The following LYZL4 variants were observed in gnomAD, a reference collection of about 807,000 sequenced individuals.
LYZL4 encodes lysozyme-like protein 4.
LYZL4 carries 13 observed loss-of-function variants against 17.6 expected under a neutral mutation model. That is an observed-to-expected ratio of 0.74 (90% CI 0.48 to 1.18). The LOEUF is 1.18. Among genes scored for constraint, LYZL4 ranks in the 50% most tolerant of loss-of-function variants. LYZL4 has a pLI of 0.00. For missense variants in LYZL4, 174 were observed against 188.2 expected (o/e 0.92, Z 0.44); for synonymous variants, 64 against 67.7 (o/e 0.95, Z 0.27).
At chr3:42,406,733 G>T in intron 3 of LYZL4, 113 bp downstream of exon 3, 1 of 1,357,112 alleles carries the variant, frequency 7.4e-7, no homozygotes. Context: ...TATGGCTCCT[G>T]CCACACCCTC....
the LYZL4 span, among the ~76,000 whole-genome samples, chr3:42,368,327 T>A: frequency 6.6e-6 from 1 of 152,206 alleles, no homozygotes; most frequent in African/African-American, 2.4e-5. Flanking sequence ...GGGTTTTTAT[T>A]TGGTGGGGCG....
chr3:42,366,787 C>T, the LYZL4 span, among the ~76,000 whole-genome samples: 4 of 152,330 alleles, frequency 2.6e-5, no homozygotes, highest in Admixed American at 2.6e-4. Flanking sequence ...CTTTAAGGCC[C>T]TGGGTATGCA....
intron 1 of LYZL4, among the ~76,000 whole-genome samples, chr3:42,407,875 C>T (rs565427530): frequency 3.5e-4 from 53 of 152,194 alleles, no homozygotes; most frequent in African/African-American, 9.9e-4. Context: ...TTTTCCCTGC[C>T]GTCCACGCAA....
chr3:42,406,238 G>T (rs1364071263), intron 3 of LYZL4, among the ~76,000 whole-genome samples: 1 of 152,090 alleles, frequency 6.6e-6, no homozygotes, highest in Non-Finnish European at 1.5e-5. Flanking sequence ...CAGATCACGA[G>T]GTCAGGAGAT....
chr3:42,388,814 C>T, the LYZL4 span, among the ~76,000 whole-genome samples: 11 of 152,248 alleles, frequency 7.2e-5, no homozygotes, highest in African/African-American at 2.2e-4. Context: ...TCCTTCAAAA[C>T]GGGTGACCAA....
chr3:42,405,202 C>G (rs984469744), intron 3 of LYZL4, among the ~76,000 whole-genome samples: 2 of 152,188 alleles, frequency 1.3e-5, no homozygotes, highest in African/African-American at 4.8e-5. Context: ...GCGCCTGCCA[C>G]CACGCCCGTC....
chr3:42,372,478 G>A, the LYZL4 span, among the ~76,000 whole-genome samples: 2 of 152,210 alleles, frequency 1.3e-5, no homozygotes, highest in African/African-American at 4.8e-5. Flanking sequence ...GTATGACAGT[G>A]GGGAAGTGAG....
the LYZL4 span, among the ~76,000 whole-genome samples, chr3:42,371,084 C>G: frequency 1.3e-5 from 2 of 152,200 alleles, no homozygotes; most frequent in East Asian, 1.9e-4. Flanking sequence ...TGTGAATCTT[C>G]TAAACATCAC....
downstream of LYZL4, among the ~76,000 whole-genome samples, chr3:42,394,845 G>A (rs905466225): frequency 6.6e-5 from 10 of 152,208 alleles, no homozygotes; most frequent in Non-Finnish European, 1.2e-4. Context: ...GCGGCAGCGC[G>A]CTGGATTTGG....
At chr3:42,390,457 A>G in the LYZL4 span, among the ~76,000 whole-genome samples, 1 of 152,152 alleles carries the variant, frequency 6.6e-6, no homozygotes, top group Non-Finnish European at 1.5e-5. Context: ...CAAAGACCCT[A>G]ATATAACATC....
At chr3:42,393,478 C>T (rs373603472), downstream of LYZL4, among the ~76,000 whole-genome samples, 3 of 152,318 alleles carry the variant, frequency 2.0e-5, no homozygotes, top group Non-Finnish European at 2.9e-5. Flanking sequence ...GGCCTCACTG[C>T]TGCCCGCTCA....
rs113638710 is a variant in LYZL4, at chr3:42,408,399, A to T, written c.-92-1056T>A. ...TCTCCAGGGAGCTGTGCCCTCATGC[A>T]TGGTTCTTCCCAATGCACAGGGCCC... On this transcript the variant is annotated intron_variant, in intron 1 of 4. Transcript: ENST00000287748. Among the ~76,000 whole-genome samples, 585 of 152,258 alleles carry T rather than the reference A, an allele frequency of 3.8e-3. 5 individuals carry two copies. The highest frequency in any genetic ancestry group is 9.4e-3 in the Admixed American group (144 of 15,298).
chr3:42,382,122 C>T, the LYZL4 span, among the ~76,000 whole-genome samples: 65 of 152,216 alleles, frequency 4.3e-4, no homozygotes, highest in Non-Finnish European at 7.5e-4. Flanking sequence ...TTGCCAGAAA[C>T]GGTGCTCAGT....
the LYZL4 span, among the ~76,000 whole-genome samples, chr3:42,386,780 C>T: frequency 6.6e-6 from 1 of 152,192 alleles, no homozygotes; most frequent in African/African-American, 2.4e-5. Context: ...TCTTATTTCT[C>T]AGAGACATGT....
downstream of LYZL4, among the ~76,000 whole-genome samples, chr3:42,392,563 A>G (rs188056316): frequency 6.6e-6 from 1 of 152,342 alleles, no homozygotes; most frequent in East Asian, 1.9e-4. Context: ...CAAACACAAA[A>G]TAGGTAAAGT....
chr3:42,382,976 G>C, the LYZL4 span, among the ~76,000 whole-genome samples: 15 of 152,106 alleles, frequency 9.9e-5, no homozygotes, highest in African/African-American at 3.4e-4. Flanking sequence ...AGGGTAAAGC[G>C]AGGCTAAGTG....
chr3:42,404,466 T>C (rs894307204), intron 3 of LYZL4, among the ~76,000 whole-genome samples: 2 of 152,216 alleles, frequency 1.3e-5, no homozygotes, highest in African/African-American at 4.8e-5. Flanking sequence ...CTCTAGGGAT[T>C]TTTCTTACTT....
downstream of LYZL4, among the ~76,000 whole-genome samples, chr3:42,395,932 C>T (rs548837832): frequency 1.3e-5 from 2 of 152,056 alleles, no homozygotes; most frequent in South Asian, 2.1e-4. Context: ...GTTGTTGGTG[C>T]GTGCCTGCAA....
At chr3:42,393,337 GCACACA>G (rs3071913), downstream of LYZL4, among the ~76,000 whole-genome samples, 34 of 148,912 alleles carry the variant, frequency 2.3e-4, no homozygotes, top group African/African-American at 5.7e-4. Flanking sequence ...GTGTGCGCGT[GCACACA>G]CACACACACA....
Sources: gnomAD v4.1 joint callset for allele counts (sites outside exome capture counted in the v4.1 genomes callset) on GRCh38, gnomAD v4.1.1 for gene constraint, MANE v1.5 for transcripts, NCBI Gene and HGNC (gene_info 2026-07-23, HGNC 2026-07-21) for gene names.